Variants in NRXN3 observed in about 807,000 individuals in gnomAD.
The protein encoded by NRXN3 is neurexin III.
Under a neutral mutation model 137.6 loss-of-function variants are expected in NRXN3, and 32 were observed. The ratio of observed to expected loss-of-function variants is 0.23; its 90% CI spans 0.18 to 0.31. The LOEUF (loss-of-function observed/expected upper bound fraction) is 0.31. Among genes scored for constraint, NRXN3 ranks in the 10% least tolerant of loss-of-function variants. The pLI is 1.00. For missense variants in NRXN3, 1,574 were observed against 2,062.5 expected (o/e 0.76, Z 4.59); for synonymous variants, 798 against 784.5 (o/e 1.02, Z -0.29).
At chr14:79,530,600 T>G (rs1226079212) in intron 16 of NRXN3, among the ~76,000 whole-genome samples, 8 of 151,596 alleles carry the variant, frequency 5.3e-5, no homozygotes, top group Non-Finnish European at 1.0e-4. Context: ...TTTGTTTTTT[T>G]TTTTTCCTTT....
At chr14:78,644,246 G>A (rs542542053) in intron 4 of NRXN3, among the ~76,000 whole-genome samples, 10 of 152,156 alleles carry the variant, frequency 6.6e-5, no homozygotes, top group African/African-American at 2.4e-4. Flanking sequence ...TTTTTGGGTG[G>A]GCAATTACAG....
rs982561167 is a variant in NRXN3, at chr14:78,347,672, C to T, written c.757+49812C>T. On this transcript the variant is annotated intron_variant, in intron 4 of 20. Coordinates refer to ENST00000335750, the MANE Select transcript of NRXN3 (RefSeq NM_001330195.2). ...ACAAAACTCTCTGATTATTTATTAT[C>T]TTCACCACCAAACTAGAGCCCCTTG... Among the ~76,000 whole-genome samples the T allele has an allele frequency of 3.3e-5, 5 of 152,272 alleles. No homozygotes were observed. In the East Asian group the frequency reaches 7.7e-4, roughly 24 times the overall value.
At chr14:79,825,491 A>G (rs138150373) in intron 20 of NRXN3, among the ~76,000 whole-genome samples, 4 of 152,330 alleles carry the variant, frequency 2.6e-5, no homozygotes, top group African/African-American at 9.6e-5. Flanking sequence ...AAAACGATGC[A>G]CAAAGAATAA....
At chr14:79,808,255 A>AAT (rs1162311378) in intron 20 of NRXN3, among the ~76,000 whole-genome samples, 322 of 123,930 alleles carry the variant, frequency 2.6e-3, no homozygotes, top group Admixed American at 4.7e-3. Flanking sequence ...AAAAAAAAAA[A>AAT]ATATATATAT....
At chr14:79,575,030 G>C (rs2097651361) in intron 16 of NRXN3, among the ~76,000 whole-genome samples, 1 of 152,080 alleles carries the variant, frequency 6.6e-6, no homozygotes, top group South Asian at 2.1e-4. Flanking sequence ...TGTGAAATGT[G>C]CCTTCTAATA....
intron 15 of NRXN3, among the ~76,000 whole-genome samples, chr14:79,260,657 T>C (rs1332960974): frequency 6.6e-6 from 1 of 152,080 alleles, no homozygotes. Context: ...ACCACCCCAC[T>C]TGCCACCCAC....
chr14:79,104,141 T>C (rs1426052968), intron 15 of NRXN3, among the ~76,000 whole-genome samples: 1 of 152,194 alleles, frequency 6.6e-6, no homozygotes, highest in African/African-American at 2.4e-5. Context: ...CAAACAAGTT[T>C]CCCTGTTCCT....
chr14:79,421,247 C>T (rs1341041799), intron 15 of NRXN3, among the ~76,000 whole-genome samples: 7 of 152,142 alleles, frequency 4.6e-5, no homozygotes, highest in Middle Eastern at 3.4e-3. Flanking sequence ...TGGGTCTCGC[C>T]GCACTAAGAT....
chr14:79,509,252 A>T (rs1434583948), intron 16 of NRXN3, among the ~76,000 whole-genome samples: 1 of 152,158 alleles, frequency 6.6e-6, no homozygotes, highest in South Asian at 2.1e-4. Context: ...AAAGAGTGTA[A>T]TCCCAGGACT....
chr14:79,588,776 T>C (rs2097780660), intron 16 of NRXN3, among the ~76,000 whole-genome samples: 1 of 152,214 alleles, frequency 6.6e-6, no homozygotes, highest in Admixed American at 6.5e-5. Context: ...TGAGTTTTCA[T>C]GTCTGTTTTT....
chr14:78,232,360 GC>G (rs2065543129), intron 1 of NRXN3, among the ~76,000 whole-genome samples: 1 of 152,348 alleles, frequency 6.6e-6, no homozygotes, highest in African/African-American at 2.4e-5. Context: ...AACAGAGAGA[GC>G]CCTCCCAGCA....
At chr14:79,808,253 A>ATATATAT (rs1253566704) in intron 20 of NRXN3, among the ~76,000 whole-genome samples, 3 of 129,068 alleles carry the variant, frequency 2.3e-5, no homozygotes, top group Non-Finnish European at 3.2e-5. Flanking sequence ...AAAAAAAAAA[A>ATATATAT]AAATATATAT....
intron 16 of NRXN3, among the ~76,000 whole-genome samples, chr14:79,527,104 G>A (rs536419237): frequency 6.6e-6 from 1 of 152,032 alleles, no homozygotes; most frequent in South Asian, 2.1e-4. Context: ...GACCAGCCTG[G>A]CAAACATGGT....
At chr14:79,141,599 G>A (rs1022521792) in intron 15 of NRXN3, among the ~76,000 whole-genome samples, 3 of 152,110 alleles carry the variant, frequency 2.0e-5, no homozygotes, top group African/African-American at 7.2e-5. Context: ...ATAGGTACTT[G>A]AACTAAGAAC....
chr14:78,434,362 G>T (rs964804703), intron 4 of NRXN3, among the ~76,000 whole-genome samples: 1 of 152,042 alleles, frequency 6.6e-6, no homozygotes, highest in Non-Finnish European at 1.5e-5. Context: ...TATTTGTATG[G>T]TGTTTTCCTT....
At position 79,008,807 on chromosome 14, in the gene NRXN3, C is replaced by T. The variant is rs1594859366; in HGVS notation, c.3262+20666C>T. ...CCGAGTAGCTGGGATTATAGGCGCC[C>T]ACCACCACACCTGGCTAATTTTTGT... On this transcript the variant is annotated intron_variant, in intron 15 of 20. Transcript: ENST00000335750. Among the ~76,000 whole-genome samples, 4 of 151,922 alleles carry T rather than the reference C, an allele frequency of 2.6e-5. 1 individual carries two copies. The East Asian group carries it at 7.7e-4, about 29-fold the overall frequency.
chr14:78,989,566 T>G (rs2099514337), intron 15 of NRXN3, among the ~76,000 whole-genome samples: 1 of 152,174 alleles, frequency 6.6e-6, no homozygotes, highest in South Asian at 2.1e-4. Flanking sequence ...ACCAAGTCTT[T>G]TGGTATTATT....
At chr14:78,174,868 G>A (rs955728920) in intron 1 of NRXN3, among the ~76,000 whole-genome samples, 11 of 152,156 alleles carry the variant, frequency 7.2e-5, no homozygotes, top group African/African-American at 1.9e-4. Flanking sequence ...ACTGGTGGGC[G>A]GATACAGATT....
At chr14:79,213,118 T>A (rs1240157613) in intron 15 of NRXN3, among the ~76,000 whole-genome samples, 1 of 152,148 alleles carries the variant, frequency 6.6e-6, no homozygotes, top group Non-Finnish European at 1.5e-5. Flanking sequence ...TTCTAGAAAA[T>A]AGAAAATACT....
Sources: allele counts gnomAD v4.1 joint callset (sites outside exome capture counted in the v4.1 genomes callset), GRCh38; gene constraint gnomAD v4.1.1; transcripts MANE v1.5; gene names NCBI Gene and HGNC (gene_info 2026-07-23, HGNC 2026-07-21).